Variants in PBK observed in about 807,000 individuals in gnomAD.
PBK encodes the protein lymphokine-activated killer T-cell-originated protein kinase.
Under a neutral mutation model 33.5 loss-of-function variants are expected in PBK, and 22 were observed. That is an observed-to-expected ratio of 0.66 (90% CI 0.47 to 0.94). The LOEUF (loss-of-function observed/expected upper bound fraction) is 0.94, where lower values mean the gene tolerates loss of function less well. Among genes scored for constraint, PBK ranks in the 40% least tolerant of loss-of-function variants. The pLI is 0.00. For synonymous variants in PBK, 129 were observed against 123.8 expected (o/e 1.04, Z -0.28); for missense variants, 376 against 383.4 (o/e 0.98, Z 0.16).
intron 6 of PBK, among the ~76,000 whole-genome samples, chr8:27,819,265 A>T (rs1805874637): frequency 6.6e-6 from 1 of 152,110 alleles, no homozygotes. Context: ...TAGGCTATCA[A>T]ATTCATTCAT....
At chr8:27,813,519 TTA>T (rs750152073) in intron 6 of PBK, among the ~76,000 whole-genome samples, 24 of 152,148 alleles carry the variant, frequency 1.6e-4, no homozygotes, top group Non-Finnish European at 2.9e-4. Flanking sequence ...AATTAACAAA[TTA>T]TATATGTTTA....
intron 1 of PBK, among the ~76,000 whole-genome samples, chr8:27,835,042 AGATTT>A (rs906651277): frequency 7.9e-5 from 12 of 152,142 alleles, no homozygotes; most frequent in African/African-American, 2.7e-4. Flanking sequence ...GTTTCCTATT[AGATTT>A]ATTTATTATA....
intron 6 of PBK, among the ~76,000 whole-genome samples, chr8:27,812,888 C>G (rs1805721533): frequency 6.6e-6 from 1 of 152,160 alleles, no homozygotes; most frequent in South Asian, 2.1e-4. Context: ...TAAACTAGTT[C>G]AACCATTGTG....
At chr8:27,823,861 G>T (rs149808171) in intron 3 of PBK, among the ~76,000 whole-genome samples, 71 of 152,184 alleles carry the variant, frequency 4.7e-4, no homozygotes, top group East Asian at 1.9e-3. Flanking sequence ...TCAGGGAAAG[G>T]TTTACCTGAG....
chr8:27,832,951 A>G, intron 2 of PBK, 105 bp downstream of exon 2: 1 of 657,914 alleles, frequency 1.5e-6, no homozygotes, highest in Non-Finnish European at 2.6e-6. Context: ...AGTTACATTA[A>G]AGTTTCTAAG....
At chr8:27,825,973 A>T (rs1392890478) in intron 3 of PBK, among the ~76,000 whole-genome samples, 2 of 152,206 alleles carry the variant, frequency 1.3e-5, no homozygotes, top group Admixed American at 6.5e-5. Context: ...GAAATTTAAG[A>T]ACAGGAACTA....
chr8:27,823,227 A>G lies in PBK; in HGVS notation c.153-22T>C, dbSNP rs1007887751. ...AGATCTAAGAAAAAAATTCATTTAAAAAGGATAGAAAACAATAAAACCACA... is the reference window on the plus strand; with the variant it reads ...AGATCTAAGAAAAAAATTCATTTAAGAAGGATAGAAAACAATAAAACCACA... On this transcript the variant is annotated intron_variant, in intron 3 of 7. Transcript: ENST00000301905. 3.5e-6 allele frequency: 5 copies of G among 1,419,812 alleles called. No individual in the cohort carries two copies. The African/African-American group carries it at 7.3e-5, about 21-fold the overall frequency. 88.0% of individuals were successfully genotyped at this position (1,419,812 alleles called of 1,614,324 possible).
At chr8:27,825,463 G>A (rs567750007) in intron 3 of PBK, among the ~76,000 whole-genome samples, 7 of 152,088 alleles carry the variant, frequency 4.6e-5, no homozygotes, top group Non-Finnish European at 8.8e-5. Flanking sequence ...AAAAACAGGT[G>A]GACTCGTAGA....
chr8:27,836,813 C>T (rs1002648732), intron 1 of PBK, among the ~76,000 whole-genome samples: 3 of 152,168 alleles, frequency 2.0e-5, no homozygotes, highest in Non-Finnish European at 4.4e-5. Context: ...TGTTCTCTTA[C>T]GACTGAGTCC....
Position 27,826,669 on chromosome 8 carries a change from G to A in PBK, c.152+1436C>T, listed in dbSNP as rs901228778. Among the ~76,000 whole-genome samples the A allele has an allele frequency of 1.7e-3, 243 of 141,578 alleles. 35 individuals carry two copies. The highest frequency in any genetic ancestry group is 5.9e-3 in the African/African-American group (214 of 35,976). 92.9% of individuals were successfully genotyped at this position (141,578 alleles called of 152,430 possible). A position where few individuals can be genotyped will look rare whatever the true frequency, so the allele number is the denominator to read the frequency against. ...AAATTAGCCGGGCGTGGTGGCGGGCGCCTGTAGTCCCAGCTACTCGGGAGG... is the reference window on the plus strand; with the variant it reads ...AAATTAGCCGGGCGTGGTGGCGGGCACCTGTAGTCCCAGCTACTCGGGAGG... On this transcript the variant is annotated intron_variant, in intron 3 of 7. Coordinates refer to ENST00000301905, the MANE Select transcript of PBK (RefSeq NM_018492.4).
intron 6 of PBK, among the ~76,000 whole-genome samples, chr8:27,819,184 C>T (rs1488063582): frequency 6.6e-6 from 1 of 152,096 alleles, no homozygotes; most frequent in African/African-American, 2.4e-5. Context: ...GAACATGTAT[C>T]CTCAAAGAGG....
Position 27,820,587 on chromosome 8 carries a change from T to C in PBK, c.573A>G (p.Leu191=), listed in dbSNP as rs1563491013. 3.2e-6 allele frequency: 5 copies of C among 1,584,412 alleles called. No individual in the cohort carries two copies. Among genetic ancestry groups the C allele is most frequent in the Middle Eastern group, 3.3e-4 (2 of 6,026 alleles). The change falls in exon 6 of 8, where the codon CTA becomes CTG. Residue 191 remains leucine (L), a synonymous_variant. Transcript: ENST00000301905. Reference sequence around the variant, plus strand: ...TACCAGTCATATTTTCATCCAGTGGTAGAGAGACTCCTACATCACAGATTT... The same window carrying C: ...TACCAGTCATATTTTCATCCAGTGGCAGAGAGACTCCTACATCACAGATTT... ...TIKICDVGVS[L]PLDENMTVTD...
Position 27,810,373 on chromosome 8 carries a change from T to G in PBK, c.901A>C (p.Thr301Pro), listed in dbSNP as rs1404675669. ...GGACGATCTTTAGGGTCTTCATTAG[T>G]GCATACAGAGAAGAGTTCAATTACT... is the stretch of plus-strand genomic sequence containing the variant. ...QKVIELFSVC[T>P]NEDPKDRPSA... Residue 301 changes from threonine to proline, a missense_variant, in exon 8 of 8, where the codon ACT (threonine) becomes CCT (proline). Thr to Pro is a conservative substitution (Grantham distance 38). Coordinates refer to ENST00000301905, the MANE Select transcript of PBK (RefSeq NM_018492.4). 6.2e-7 allele frequency: 1 copy of G among 1,611,246 alleles called. No homozygotes were observed. The highest frequency in any genetic ancestry group is 8.5e-7 in the Non-Finnish European group (1 of 1,177,516).
Position 27,822,448 on chromosome 8 carries a change from A to G in PBK, c.336T>C (p.Cys112=). The change falls in exon 5 of 8, where the codon TGT becomes TGC. Residue 112 remains cysteine, a synonymous_variant. Coordinates refer to ENST00000301905, the MANE Select transcript of PBK (RefSeq NM_018492.4). ...AFTEANDGSL[C]LAMEYGGEKS... Reference sequence around the variant, plus strand: ...TTTCACCTCCATATTCCATAGCAAGACACAGACTGCCATCATTGGCTTCAG... The same window carrying G: ...TTTCACCTCCATATTCCATAGCAAGGCACAGACTGCCATCATTGGCTTCAG... 1 of 1,611,768 alleles carries G rather than the reference A, an allele frequency of 6.2e-7. No individual in the cohort carries two copies. Among genetic ancestry groups the G allele is most frequent in the Non-Finnish European group, 8.5e-7 (1 of 1,178,718 alleles).
intron 6 of PBK, among the ~76,000 whole-genome samples, chr8:27,818,936 T>C (rs971167047): frequency 1.3e-5 from 2 of 152,176 alleles, no homozygotes; most frequent in African/African-American, 4.8e-5. Flanking sequence ...TTTTCTAAAA[T>C]GTCCAGATAA....
intron 6 of PBK, among the ~76,000 whole-genome samples, chr8:27,815,360 A>G (rs1371021385): frequency 2.0e-5 from 3 of 152,226 alleles, no homozygotes; most frequent in South Asian, 2.1e-4. Context: ...ACCCAGTACC[A>G]GCAGGCAAGA....
At position 27,810,195 on chromosome 8, in the gene PBK, T is replaced by C. The variant is rs1805643549; in HGVS notation, c.*110A>G. The C allele has an allele frequency of 1.4e-6, 1 of 713,322 alleles. No individual in the cohort carries two copies. The highest frequency in any genetic ancestry group is 2.6e-5 in the East Asian group (1 of 37,886). The allele number at this position is 713,322 out of a possible 1,614,324, so 44.2% of individuals were successfully genotyped here. A position where few individuals can be genotyped will look rare whatever the true frequency, so the allele number is the denominator to read the frequency against. ...TTATCCATATGTTAACAAGAAACTA[T>C]GGTCCTCAAATATGCCAATTTTAGA... is the stretch of plus-strand genomic sequence containing the variant. On this transcript the variant is annotated 3_prime_UTR_variant, in exon 8 of 8. Transcript: ENST00000301905.
intron 4 of PBK, 56 bp from the exon 5 acceptor site, chr8:27,822,544 G>GAATGCTACCGACA: frequency 8.6e-7 from 1 of 1,166,098 alleles, no homozygotes. Context: ...TAATATTTAA[G>GAATGCTACCGACA]TCCTTTATAG....
intron 6 of PBK, chr8:27,812,574 G>T (rs569020780): frequency 4.1e-5 from 6 of 147,148 alleles, no homozygotes; most frequent in African/African-American, 1.5e-4. Context: ...CGACCTATCT[G>T]ACAAAGGGCT....
Sources: allele counts gnomAD v4.1 joint callset (sites outside exome capture counted in the v4.1 genomes callset), GRCh38; gene constraint gnomAD v4.1.1; transcripts MANE v1.5; gene names NCBI Gene and HGNC (gene_info 2026-07-23, HGNC 2026-07-21).